Variants in RASGRP3 observed in about 807,000 individuals in gnomAD.
RASGRP3 encodes the protein RAS guanyl releasing protein 3, also known as ras guanyl-releasing protein 3.
In RASGRP3, 54 loss-of-function variants were observed where a neutral mutation model predicts 82.7. The ratio of observed to expected loss-of-function variants is 0.65; its 90% CI spans 0.52 to 0.82. The LOEUF (loss-of-function observed/expected upper bound fraction) is 0.82. RASGRP3 is among the 40% of genes least tolerant of loss of function. The probability of loss-of-function intolerance (pLI) is 0.00; values close to 1 mark genes in which losing one functional copy is unlikely to be tolerated. For synonymous variants in RASGRP3, 309 were observed against 300.5 expected (o/e 1.03, Z -0.29); for missense variants, 861 against 828.9 (o/e 1.04, Z -0.48).
At chr2:33,451,961 T>A (rs1286207834) in intron 2 of RASGRP3, among the ~76,000 whole-genome samples, 1 of 152,154 alleles carries the variant, frequency 6.6e-6, no homozygotes, top group Non-Finnish European at 1.5e-5. Context: ...TCAAATGATC[T>A]GTCTTTGAGC....
chr2:33,482,673 A>G (rs1187242311), intron 1 of RASGRP3: 2 of 152,218 alleles, frequency 1.3e-5, no homozygotes, highest in Admixed American at 6.5e-5. Flanking sequence ...ACGCTTCACT[A>G]TCTGTCAGTT....
intron 1 of RASGRP3, among the ~76,000 whole-genome samples, chr2:33,485,745 A>G (rs956031634): frequency 6.6e-6 from 1 of 152,208 alleles, no homozygotes; most frequent in Non-Finnish European, 1.5e-5. Context: ...ATCTCGTGCT[A>G]TTTTAATTCT....
At chr2:33,439,453 T>C (rs1665105192) in intron 1 of RASGRP3, among the ~76,000 whole-genome samples, 1 of 152,166 alleles carries the variant, frequency 6.6e-6, no homozygotes. Flanking sequence ...ATGGCCTTCC[T>C]GCGCCCAAGG....
intron 1 of RASGRP3, among the ~76,000 whole-genome samples, chr2:33,439,039 T>A (rs1665078796): frequency 6.6e-6 from 1 of 152,092 alleles, no homozygotes; most frequent in African/African-American, 2.4e-5. Context: ...GGTAGAGGGG[T>A]ATTGCACGAT....
chr2:33,460,383 C>T (rs539148197), intron 2 of RASGRP3, among the ~76,000 whole-genome samples: 1 of 151,996 alleles, frequency 6.6e-6, no homozygotes, highest in South Asian at 2.1e-4. Flanking sequence ...GATTTTGATA[C>T]AGGATAGAGA....
chr2:33,549,533 G>A (rs1365748695), intron 13 of RASGRP3, 71 bp from the exon 14 acceptor site: 4 of 1,440,068 alleles, frequency 2.8e-6, no homozygotes, highest in African/African-American at 1.4e-5. Context: ...GGAGGTGGGT[G>A]ATTAAAGTGT....
intron 2 of RASGRP3, among the ~76,000 whole-genome samples, chr2:33,459,976 G>T (rs1017687632): frequency 6.6e-6 from 1 of 152,166 alleles, no homozygotes; most frequent in Non-Finnish European, 1.5e-5. Context: ...CTAGAGTTCG[G>T]TCAAGGAAAG....
intron 17 of RASGRP3, among the ~76,000 whole-genome samples, chr2:33,560,727 C>T (rs913012475): frequency 6.6e-6 from 1 of 152,238 alleles, no homozygotes; most frequent in African/African-American, 2.4e-5. Flanking sequence ...GATGGTAGGA[C>T]GCCTACCAGA....
chr2:33,463,364 A>G (rs1666487510), intron 2 of RASGRP3, among the ~76,000 whole-genome samples: 2 of 152,176 alleles, frequency 1.3e-5, no homozygotes. Flanking sequence ...TGCTAAAGCT[A>G]GTATGTTTTA....
chr2:33,483,919 A>C (rs1360824157), intron 1 of RASGRP3, among the ~76,000 whole-genome samples: 2 of 152,152 alleles, frequency 1.3e-5, no homozygotes, highest in Non-Finnish European at 2.9e-5. Flanking sequence ...AGAGACCTTA[A>C]TAGTTAATGA....
chr2:33,449,266 CAG>C (rs1450825167), intron 2 of RASGRP3, among the ~76,000 whole-genome samples: 3 of 152,208 alleles, frequency 2.0e-5, no homozygotes, highest in African/African-American at 7.2e-5. Flanking sequence ...ACAAAGTATG[CAG>C]AGTTACCTTG....
chr2:33,553,756 A>T (rs560386442), intron 14 of RASGRP3, among the ~76,000 whole-genome samples: 48 of 151,808 alleles, frequency 3.2e-4, no homozygotes, highest in Middle Eastern at 3.4e-3. Context: ...TATTATTATT[A>T]TTTTTTCTTT....
chr2:33,447,730 C>A (rs1023869280), intron 1 of RASGRP3: 1 of 152,202 alleles, frequency 6.6e-6, no homozygotes, highest in African/African-American at 2.4e-5. Context: ...CGGCCCATGT[C>A]TGTGTTTTCT....
chr2:33,534,362 A>G lies in RASGRP3; in HGVS notation c.1123A>G (p.Lys375Glu). 2 of 1,582,396 alleles carry G rather than the reference A, an allele frequency of 1.3e-6. No homozygotes were observed. ...CTATCACACTGAAGATGATATTTAC[A>G]AACTGTCACTGGTGCTGGAGCCTAG... ...DLYHTEDDIY[K>E]LSLVLEPRNS... The change falls in exon 11 of 18, where the codon AAA (lysine) becomes GAA (glutamate). Residue 375 changes from lysine (K) to glutamate (E), a missense_variant. Coordinates refer to ENST00000403687, the MANE Select transcript of RASGRP3 (RefSeq NM_001139488.2).
intron 1 of RASGRP3, among the ~76,000 whole-genome samples, chr2:33,446,191 T>C (rs1393236757): frequency 6.6e-6 from 1 of 152,238 alleles, no homozygotes; most frequent in Non-Finnish European, 1.5e-5. Flanking sequence ...GGAGTCTCGC[T>C]CTGTCGCCCA....
intron 1 of RASGRP3, among the ~76,000 whole-genome samples, chr2:33,506,638 C>T (rs1055000494): frequency 7.9e-5 from 12 of 152,128 alleles, no homozygotes; most frequent in Admixed American, 6.5e-4. Flanking sequence ...AAACAGACAA[C>T]AAAAATTTTT....
chr2:33,520,097 T>C, intron 5 of RASGRP3, 83 bp downstream of exon 5: 1 of 1,167,398 alleles, frequency 8.6e-7, no homozygotes, highest in Non-Finnish European at 1.2e-6. Context: ...GCTGCAGACC[T>C]AGTTTGACAA....
At chr2:33,447,585 A>C (rs960942876) in intron 1 of RASGRP3, among the ~76,000 whole-genome samples, 1 of 151,914 alleles carries the variant, frequency 6.6e-6, no homozygotes, top group African/African-American at 2.4e-5. Context: ...ACAGGCGTGC[A>C]CCACCATGCC....
rs77981045 is a variant in RASGRP3 at position 33,517,075 on chromosome 2, A to G, written c.173+431A>G. Among the ~76,000 whole-genome samples the G allele has an allele frequency of 8.3e-3, 1,263 of 152,344 alleles. 26 individuals carry two copies. Among genetic ancestry groups the G allele is most frequent in the South Asian group, 0.073 (350 of 4,826 alleles). On this transcript the variant is annotated intron_variant, in intron 4 of 17. Transcript: ENST00000403687. ...TGCTCTTACTTGGGCACAAACATCAATTTAGTTTTCACATCTCCCCTTGCT... is the reference window on the plus strand; with the variant it reads ...TGCTCTTACTTGGGCACAAACATCAGTTTAGTTTTCACATCTCCCCTTGCT...
Sources: allele counts gnomAD v4.1 joint callset (sites outside exome capture counted in the v4.1 genomes callset), GRCh38; gene constraint gnomAD v4.1.1; transcripts MANE v1.5; gene names NCBI Gene and HGNC (gene_info 2026-07-23, HGNC 2026-07-21).